LINGO3: variants seen among roughly 807,000 people sequenced by gnomAD.
LINGO3 encodes the protein leucine rich repeat and Ig domain containing 3, also known as leucine-rich repeat and immunoglobulin-like domain-containing nogo receptor-interacting protein 3.
For missense variants in LINGO3, 750 were observed against 867.7 expected (o/e 0.86, Z 1.70); for synonymous variants, 427 against 444.2 (o/e 0.96, Z 0.49).
upstream of LINGO3, among the ~76,000 whole-genome samples, chr19:2,294,665 C>T (rs1463626321): frequency 4.6e-5 from 7 of 152,030 alleles, no homozygotes; most frequent in Admixed American, 2.0e-4. The surrounding 1 kb of genome is among the most constrained non-coding windows in gnomAD (Gnocchi z 4.3). Context: ...GACATGGAGC[C>T]GTGGTGGCCC....
At chr19:2,289,078 C>T (rs532757087), downstream of LINGO3, among the ~76,000 whole-genome samples, 1 of 150,638 alleles carries the variant, frequency 6.6e-6, no homozygotes, top group East Asian at 2.0e-4. Context: ...AGCTGTATCC[C>T]GGGTGTGAGC....
At chr19:2,298,355 C>G in the LINGO3 span, among the ~76,000 whole-genome samples, 1 of 151,730 alleles carries the variant, frequency 6.6e-6, no homozygotes, top group Non-Finnish European at 1.5e-5. Flanking sequence ...CTCAGCCTCT[C>G]AAGTAGCTGG....
chr19:2,296,045 C>T (rs1375207415), upstream of LINGO3, among the ~76,000 whole-genome samples: 1 of 152,172 alleles, frequency 6.6e-6, no homozygotes, highest in African/African-American at 2.4e-5. Flanking sequence ...CATCCTTAAT[C>T]CCAACCTGGG....
At position 2,290,887 on chromosome 19, in the gene LINGO3, C is replaced by G. The variant is rs546215797; in HGVS notation, c.890G>C (p.Arg297Pro). The stretch of plus-strand genomic sequence containing the variant: ...CAGGGCCCCGGCCAGGTGCAGCTCG[C>G]GCAGGCGGACCAGGTCCCGGAACGA... The change falls in exon 1 of 1, where the codon CGC (arginine) becomes CCC (proline). Residue 297 changes from arginine (R) to proline (P), a missense_variant. Transcript: ENST00000585527. This position sits in a 1 kb window ranked among gnomAD's most constrained non-coding sequence, Gnocchi z 6.0. The G allele has an allele frequency of 1.2e-6, 2 of 1,611,086 alleles. No homozygotes were observed. The highest frequency in any genetic ancestry group is 2.7e-5 in the African/African-American group (2 of 74,988).
chr19:2,298,998 C>A, the LINGO3 span, among the ~76,000 whole-genome samples: 1 of 152,168 alleles, frequency 6.6e-6, no homozygotes, highest in Non-Finnish European at 1.5e-5. Flanking sequence ...CGCTGTGTGA[C>A]CTCTGTTGAG....
downstream of LINGO3, among the ~76,000 whole-genome samples, chr19:2,289,390 T>G: frequency 6.6e-6 from 1 of 151,524 alleles, no homozygotes; most frequent in South Asian, 2.1e-4. Context: ...GTGCCCCGGG[T>G]CTGGTTTTAG....
chr19:2,306,690 C>T, the LINGO3 span, among the ~76,000 whole-genome samples: 2 of 152,244 alleles, frequency 1.3e-5, no homozygotes, highest in East Asian at 1.9e-4. Context: ...CGTCATTTGC[C>T]GGAAGTCACC....
In LINGO3 at chr19:2,290,917, C is replaced by A. The variant is rs1284841388; in HGVS notation, c.860G>T (p.Arg287Leu). 6.2e-7 allele frequency: 1 copy of A among 1,611,648 alleles called. No homozygotes were observed. Among genetic ancestry groups the A allele is most frequent in the Admixed American group, 1.7e-5 (1 of 59,916 alleles). The stretch of plus-strand genomic sequence containing the variant: ...GCGGACCAGGTCCCGGAACGACCCC[C>A]GCGGCACCGTGCTGATGGGGTTGTG... Residue 287 changes from arginine to leucine, a missense_variant, in exon 1 of 1, where the codon CGG becomes CTG. Coordinates refer to ENST00000585527, the Ensembl canonical transcript of LINGO3. This position sits in a 1 kb window ranked among gnomAD's most constrained non-coding sequence, Gnocchi z 6.0.
At chr19:2,302,827 G>A in the LINGO3 span, among the ~76,000 whole-genome samples, 1 of 152,214 alleles carries the variant, frequency 6.6e-6, no homozygotes, top group East Asian at 1.9e-4. Context: ...GGACGGGAGT[G>A]GGGGTCTGTC....
chr19:2,289,556 G>A (rs139475767), downstream of LINGO3, among the ~76,000 whole-genome samples: 773 of 152,166 alleles, frequency 5.1e-3, 7 homozygotes, highest in Middle Eastern at 6.8e-3. Context: ...GGACCCGGGT[G>A]TCCACCGTCT....
At chr19:2,296,510 A>C (rs993671591), upstream of LINGO3, among the ~76,000 whole-genome samples, 5 of 150,922 alleles carry the variant, frequency 3.3e-5, no homozygotes, top group African/African-American at 1.2e-4. Context: ...TTAGGGTCTC[A>C]CTCTGTCGCC....
the LINGO3 span, among the ~76,000 whole-genome samples, chr19:2,302,707 C>T: frequency 6.6e-6 from 1 of 152,246 alleles, no homozygotes; most frequent in East Asian, 1.9e-4. Context: ...AGGGAGGACT[C>T]GTGTTTCAAG....
chr19:2,293,774 C>T (rs1351922258), upstream of LINGO3, among the ~76,000 whole-genome samples: 5 of 145,898 alleles, frequency 3.4e-5, no homozygotes, highest in East Asian at 2.3e-4. Context: ...TGTTCAAGGC[C>T]GGGCGCGGTG....
chr19:2,306,804 TG>T, the LINGO3 span, among the ~76,000 whole-genome samples: 1 of 152,020 alleles, frequency 6.6e-6, no homozygotes, highest in Non-Finnish European at 1.5e-5. Flanking sequence ...ATCATCGAGA[TG>T]GGGACAGGAG....
chr19:2,291,529 A>G, exon 1 of LINGO3: 1 of 1,606,452 alleles, frequency 6.2e-7, no homozygotes, highest in Non-Finnish European at 8.5e-7. Context: ...GCTCAGGTCC[A>G]GCTCCTCCAG....
upstream of LINGO3, among the ~76,000 whole-genome samples, chr19:2,295,368 G>T (rs2025563667): frequency 6.6e-6 from 1 of 152,122 alleles, no homozygotes; most frequent in Non-Finnish European, 1.5e-5. Context: ...GTCAGAAAGG[G>T]TCTCCCCAAA....
chr19:2,302,567 C>A, the LINGO3 span, among the ~76,000 whole-genome samples: 1 of 152,182 alleles, frequency 6.6e-6, no homozygotes, highest in Non-Finnish European at 1.5e-5. Context: ...CCCTCCCCAG[C>A]AAGGGGCACG....
At chr19:2,289,786 G>T (rs1019687372) in exon 1 of LINGO3, 19 of 412,620 alleles carry the variant, frequency 4.6e-5, no homozygotes, top group Non-Finnish European at 7.8e-5. Flanking sequence ...ACAGGAAGAC[G>T]GGTTGAAATC....
chr19:2,305,152 C>T, the LINGO3 span, among the ~76,000 whole-genome samples: 159 of 152,198 alleles, frequency 1.0e-3, no homozygotes, highest in Non-Finnish European at 1.5e-3. Context: ...AGAGGGAGGT[C>T]GCTCGAGGCC....
Sources: allele counts gnomAD v4.1 joint callset (sites outside exome capture counted in the v4.1 genomes callset), GRCh38; gene constraint gnomAD v4.1.1; non-coding constraint Gnocchi (gnomAD v3.1); transcripts MANE v1.5; gene names NCBI Gene and HGNC (gene_info 2026-07-23, HGNC 2026-07-21).